CTNNA2: variants seen among roughly 807,000 people sequenced by gnomAD.
CTNNA2 encodes the protein catenin alpha-2.
CTNNA2 carries 42 observed loss-of-function variants against 101.0 expected under a neutral mutation model. The ratio of observed to expected loss-of-function variants is 0.42; its 90% CI spans 0.32 to 0.54. The LOEUF (loss-of-function observed/expected upper bound fraction) is 0.54, where lower values mean the gene tolerates loss of function less well. Ranked by LOEUF, CTNNA2 falls within the 20% of genes least tolerant of loss-of-function variation. The pLI, the probability that CTNNA2 is intolerant of heterozygous loss-of-function variation, is 0.14. For synonymous variants in CTNNA2, 450 were observed against 456.4 expected, an observed-to-expected ratio of 0.99 and a Z score of 0.18; for missense variants, 871 against 1,223.1, an observed-to-expected ratio of 0.71 and a Z score of 4.29.
chr2:79,899,846 T>TC (rs1401539353), intron 6 of CTNNA2, among the ~76,000 whole-genome samples: 3 of 152,232 alleles, frequency 2.0e-5, no homozygotes, highest in Admixed American at 2.0e-4. Context: ...AAACTCAAGG[T>TC]CCTTGGTATC....
intron 4 of CTNNA2, among the ~76,000 whole-genome samples, chr2:79,859,941 G>A (rs955585446): frequency 4.3e-4 from 65 of 152,096 alleles, no homozygotes; most frequent in African/African-American, 1.6e-3. Flanking sequence ...GAATGGGGAC[G>A]ATTCCTGTGG....
chr2:80,054,088 G>A (rs1437376643), intron 7 of CTNNA2, among the ~76,000 whole-genome samples: 1 of 152,156 alleles, frequency 6.6e-6, no homozygotes, highest in Non-Finnish European at 1.5e-5. Flanking sequence ...GAGGCATAAA[G>A]AAAATAAAAA....
intron 7 of CTNNA2, among the ~76,000 whole-genome samples, chr2:80,308,302 A>C (rs1677218246): frequency 6.6e-6 from 1 of 152,208 alleles, no homozygotes; most frequent in Admixed American, 6.5e-5. Context: ...TCCATTAGCA[A>C]TCTTTGTCAA....
chr2:80,555,219 G>T (rs1156960354), intron 11 of CTNNA2, among the ~76,000 whole-genome samples: 7 of 152,290 alleles, frequency 4.6e-5, no homozygotes, highest in Non-Finnish European at 8.8e-5. Context: ...TGTGTCCAAA[G>T]CTTTGACTCT....
intron 8 of CTNNA2, among the ~76,000 whole-genome samples, chr2:80,399,278 T>C (rs1250214187): frequency 6.6e-6 from 1 of 152,074 alleles, no homozygotes; most frequent in Non-Finnish European, 1.5e-5. Context: ...ACCTGGAAAA[T>C]AGTCATTAGG....
intron 3 of CTNNA2, among the ~76,000 whole-genome samples, chr2:79,822,018 T>G (rs2105382984): frequency 6.6e-6 from 1 of 152,318 alleles, no homozygotes; most frequent in South Asian, 2.1e-4. Flanking sequence ...TTATTCACTT[T>G]ATTCCACATA....
chr2:79,918,196 T>C (rs1443353612), intron 7 of CTNNA2, among the ~76,000 whole-genome samples: 1 of 152,180 alleles, frequency 6.6e-6, no homozygotes, highest in Non-Finnish European at 1.5e-5. Flanking sequence ...TTTTCTTCCT[T>C]CCAACTGTAT....
chr2:79,743,100 T>C (rs1671404632), intron 2 of CTNNA2, among the ~76,000 whole-genome samples: 1 of 152,046 alleles, frequency 6.6e-6, no homozygotes, highest in African/African-American at 2.4e-5. Context: ...TAACCTCCAA[T>C]AACATCTTTA....
At chr2:79,400,839 C>A (rs1454359509) in intron 4 of CTNNA2, among the ~76,000 whole-genome samples, 3 of 151,952 alleles carry the variant, frequency 2.0e-5, no homozygotes, top group East Asian at 1.9e-4. Flanking sequence ...GAGATCCACA[C>A]TGAGACACAT....
intron 2 of CTNNA2, among the ~76,000 whole-genome samples, chr2:79,256,665 G>T (rs116068183): frequency 6.6e-6 from 1 of 152,130 alleles, no homozygotes; most frequent in Non-Finnish European, 1.5e-5. Flanking sequence ...TCAAGCATAC[G>T]TTCCTGTCCG....
At chr2:80,420,327 AGTT>A (rs1471724248) in intron 9 of CTNNA2, among the ~76,000 whole-genome samples, 1 of 152,108 alleles carries the variant, frequency 6.6e-6, no homozygotes, top group Admixed American at 6.5e-5. Flanking sequence ...TAGAAAATAG[AGTT>A]GTTGCACAAC....
chr2:79,187,229 C>T (rs1410874728), intron 1 of CTNNA2, among the ~76,000 whole-genome samples: 1 of 146,588 alleles, frequency 6.8e-6, no homozygotes, highest in African/African-American at 2.6e-5. Context: ...TATTCTAAGA[C>T]ACTTCTTTTT....
intron 4 of CTNNA2, among the ~76,000 whole-genome samples, chr2:79,381,499 T>C (rs766513449): frequency 6.6e-6 from 1 of 152,244 alleles, no homozygotes; most frequent in Non-Finnish European, 1.5e-5. Context: ...TAAATACACT[T>C]GAGTTGCATC....
At chr2:80,241,046 G>A (rs896597030) in intron 7 of CTNNA2, among the ~76,000 whole-genome samples, 4 of 152,146 alleles carry the variant, frequency 2.6e-5, no homozygotes, top group Middle Eastern at 6.8e-3. Flanking sequence ...CATGGAAGTC[G>A]GCTGCCAATT....
chr2:79,360,025 A>G (rs1186916834), intron 3 of CTNNA2, among the ~76,000 whole-genome samples: 1 of 152,190 alleles, frequency 6.6e-6, no homozygotes, highest in Non-Finnish European at 1.5e-5. Context: ...GGCCAATGTC[A>G]ACACATAAAA....
Position 80,225,607 on chromosome 2 carries a change from T to C in CTNNA2, c.1057-167604T>C, listed in dbSNP as rs561596394. 6.1e-3 allele frequency among the ~76,000 whole-genome samples: 927 copies of C among 152,330 alleles called. 12 individuals are homozygous for C. The highest frequency in any genetic ancestry group is 0.021 in the African/African-American group (875 of 41,582). ...TCTCCATTGCCATAGTAGGAAAACA[T>C]CATGAAGTAACTTCATTGAAAACAG... On this transcript the variant is annotated intron_variant, in intron 7 of 18. Transcript: ENST00000402739.
At chr2:80,537,158 G>A (rs1314480538) in intron 9 of CTNNA2, among the ~76,000 whole-genome samples, 2 of 151,918 alleles carry the variant, frequency 1.3e-5, no homozygotes, top group Non-Finnish European at 2.9e-5. Context: ...TCCCACTTAT[G>A]AGTGAGAACA....
chr2:80,543,483 A>G (rs977061284), intron 9 of CTNNA2, among the ~76,000 whole-genome samples: 1 of 152,180 alleles, frequency 6.6e-6, no homozygotes, highest in East Asian at 1.9e-4. Flanking sequence ...CTCCTAGTAC[A>G]TTTTCTCACT....
Position 79,519,228 on chromosome 2 carries a change from CAAAAAAAAAA to C in CTNNA2, c.-6+6031_-6+6040del, listed in dbSNP as rs35330716. Among the ~76,000 whole-genome samples the C allele has an allele frequency of 3.1e-3, 159 of 50,832 alleles. 1 individual carries two copies. Among genetic ancestry groups the C allele is most frequent in the Admixed American group, 0.023 (110 of 4,806 alleles). 33.3% of individuals were successfully genotyped at this position (50,832 alleles called of 152,430 possible). On this transcript the variant is annotated intron_variant, in intron 1 of 18. Coordinates refer to ENST00000402739, the MANE Select transcript of CTNNA2 (RefSeq NM_001282597.3). ...TGGGCGACAGAACAAGACTCCGTCTCAAAAAAAAAAAAAAAAAAAGAGTCTTGGGGAAAAA... is the reference window on the plus strand; with the variant it reads ...TGGGCGACAGAACAAGACTCCGTCTCAAAAAAAAAGAGTCTTGGGGAAAAA...
Sources: gnomAD v4.1 joint callset for allele counts (sites outside exome capture counted in the v4.1 genomes callset) on GRCh38, gnomAD v4.1.1 for gene constraint, MANE v1.5 for transcripts, NCBI Gene and HGNC (gene_info 2026-07-23, HGNC 2026-07-21) for gene names.